PREX1: variants seen among roughly 807,000 people sequenced by gnomAD.
PREX1 encodes phosphatidylinositol 3,4,5-trisphosphate-dependent Rac exchanger 1 protein.
PREX1 carries 41 observed loss-of-function variants against 198.3 expected under a neutral mutation model. That is an observed-to-expected ratio of 0.21 (90% CI 0.16 to 0.27). PREX1 has a LOEUF of 0.27. PREX1 is among the 10% of genes least tolerant of loss of function. PREX1 has a pLI of 1.00. For missense variants in PREX1, 1,620 were observed against 2,200.7 expected (o/e 0.74, Z 5.28); for synonymous variants, 843 against 887.2 (o/e 0.95, Z 0.89).
At chr20:48,742,489 G>A (rs781345145) in intron 3 of PREX1, among the ~76,000 whole-genome samples, 5 of 152,094 alleles carry the variant, frequency 3.3e-5, no homozygotes, top group East Asian at 1.9e-4. Context: ...ATGCAAAGTC[G>A]AGCAGCTGGG....
At position 48,734,508 on chromosome 20, in the gene PREX1, G is replaced by A. The variant is rs185145060; in HGVS notation, c.519+38C>T. 1.4e-3 allele frequency: 2,232 copies of A among 1,551,694 alleles called. 3 individuals are homozygous for A. Among genetic ancestry groups the A allele is most frequent in the Admixed American group, 3.4e-3 (203 of 59,792 alleles). ...GCCCAGATTCCACAAGGATGAGGCCGAGTGCAAGGGAGCACCAGGGCTGAC... is the reference window on the plus strand; with the variant it reads ...GCCCAGATTCCACAAGGATGAGGCCAAGTGCAAGGGAGCACCAGGGCTGAC... On this transcript the variant is annotated intron_variant, in intron 4 of 39. Coordinates refer to ENST00000371941, the MANE Select transcript of PREX1 (RefSeq NM_020820.4).
At chr20:48,768,652 G>C (rs776329938) in intron 1 of PREX1, among the ~76,000 whole-genome samples, 1 of 152,104 alleles carries the variant, frequency 6.6e-6, no homozygotes, top group Non-Finnish European at 1.5e-5. Context: ...AAATTAGCCA[G>C]GCATGGTGGC....
intron 29 of PREX1, among the ~76,000 whole-genome samples, chr20:48,641,832 GAGAGAGAGAGGAAGGAAGGAAGGAAGGA>G (rs2089412663): frequency 8.2e-6 from 1 of 122,382 alleles, no homozygotes; most frequent in Non-Finnish European, 1.6e-5. Context: ...GAAAGAGAGA[GAGAGAGAGAGGAAGGAAGGAAGGAAGGA>G]AGGAAGGAAG....
At chr20:48,638,434 A>T (rs1049234676) in intron 30 of PREX1, among the ~76,000 whole-genome samples, 2 of 152,202 alleles carry the variant, frequency 1.3e-5, no homozygotes, top group African/African-American at 4.8e-5. Flanking sequence ...AAAAAGCTCA[A>T]TTCTTCCAGG....
At chr20:48,728,948 G>A (rs1253869564) in intron 4 of PREX1, among the ~76,000 whole-genome samples, 1 of 152,196 alleles carries the variant, frequency 6.6e-6, no homozygotes, top group Non-Finnish European at 1.5e-5. Context: ...AAAATTCACA[G>A]AAGTGAGTTA....
chr20:48,853,945 C>G, the PREX1 span, among the ~76,000 whole-genome samples: 1 of 152,202 alleles, frequency 6.6e-6, no homozygotes. Flanking sequence ...ATGGGTGAGC[C>G]AGATGGGGCA....
At chr20:48,861,543 C>G in the PREX1 span, among the ~76,000 whole-genome samples, 2 of 152,230 alleles carry the variant, frequency 1.3e-5, no homozygotes, top group Non-Finnish European at 2.9e-5. Context: ...CACAAAACTT[C>G]CCTGCCAGGA....
chr20:48,638,578 G>A (rs927802368), intron 30 of PREX1, among the ~76,000 whole-genome samples: 1 of 152,188 alleles, frequency 6.6e-6, no homozygotes, highest in Non-Finnish European at 1.5e-5. Flanking sequence ...ACTCAGGGCT[G>A]GGCAGGGTAA....
chr20:48,722,156 T>C (rs999557099), intron 5 of PREX1, among the ~76,000 whole-genome samples: 2 of 152,142 alleles, frequency 1.3e-5, no homozygotes, highest in Non-Finnish European at 2.9e-5. Context: ...ATCCTGTACA[T>C]GGACCTTCAG....
intron 1 of PREX1, among the ~76,000 whole-genome samples, chr20:48,777,731 A>C (rs182552608): frequency 9.2e-5 from 14 of 152,328 alleles, no homozygotes; most frequent in Non-Finnish European, 1.5e-4. Context: ...CATCTGTAAA[A>C]TGGGCATAAC....
At chr20:48,867,647 G>T in the PREX1 span, among the ~76,000 whole-genome samples, 1 of 129,200 alleles carries the variant, frequency 7.7e-6, no homozygotes, top group African/African-American at 3.0e-5. Context: ...AGAGGCTGAG[G>T]CAGGAGAATC....
chr20:48,703,198 G>A (rs1047403696), intron 6 of PREX1, among the ~76,000 whole-genome samples: 5 of 152,230 alleles, frequency 3.3e-5, no homozygotes, highest in African/African-American at 9.6e-5. Context: ...GGTCTGCTCT[G>A]TGTCCGTGGT....
chr20:48,627,168 A>C (rs1952693113), intron 39 of PREX1, among the ~76,000 whole-genome samples: 2 of 148,384 alleles, frequency 1.3e-5, no homozygotes, highest in Admixed American at 6.8e-5. Flanking sequence ...CCCAGGTTAA[A>C]GCGAGCCGCT....
At chr20:48,735,915 T>A (rs2090055346) in intron 3 of PREX1, among the ~76,000 whole-genome samples, 1 of 152,060 alleles carries the variant, frequency 6.6e-6, no homozygotes, top group African/African-American at 2.4e-5. Flanking sequence ...AAATCTAGAC[T>A]AAGCTGCATC....
chr20:48,764,453 T>C (rs6019409), intron 1 of PREX1, among the ~76,000 whole-genome samples: 44,424 of 151,954 alleles, frequency 0.29, 6,999 homozygotes, highest in Admixed American at 0.35. Context: ...ATCAATAGCA[T>C]TGAGGTGGGC....
At chr20:48,791,279 C>T (rs866053578) in intron 1 of PREX1, among the ~76,000 whole-genome samples, 2 of 152,198 alleles carry the variant, frequency 1.3e-5, no homozygotes, top group Admixed American at 6.5e-5. Context: ...TGTGTCTGCA[C>T]GTCTGTGCAT....
At chr20:48,730,169 C>T (rs777788777) in intron 4 of PREX1, among the ~76,000 whole-genome samples, 3 of 152,052 alleles carry the variant, frequency 2.0e-5, no homozygotes, top group Non-Finnish European at 4.4e-5. Context: ...CCATCTGTGG[C>T]AATTGTCCCG....
chr20:48,879,401 T>C, the PREX1 span, among the ~76,000 whole-genome samples: 1 of 150,628 alleles, frequency 6.6e-6, no homozygotes, highest in Non-Finnish European at 1.5e-5. Flanking sequence ...AATACTGAAA[T>C]ACATTCATAA....
At chr20:48,796,942 G>A (rs1184242687) in intron 1 of PREX1, among the ~76,000 whole-genome samples, 1 of 151,898 alleles carries the variant, frequency 6.6e-6, no homozygotes, top group Admixed American at 6.6e-5. Flanking sequence ...GGTTACTTTT[G>A]GGGATACTGA....
Sources: allele counts gnomAD v4.1 joint callset (sites outside exome capture counted in the v4.1 genomes callset), GRCh38; gene constraint gnomAD v4.1.1; transcripts MANE v1.5; gene names NCBI Gene and HGNC (gene_info 2026-07-23, HGNC 2026-07-21).